The following RSU1 variants were observed in gnomAD, a reference collection of about 807,000 sequenced individuals.
The protein encoded by RSU1 is rsu-1.
A neutral mutation model predicts 31.1 loss-of-function variants in RSU1; 26 were observed. The ratio of observed to expected loss-of-function variants is 0.84; its 90% CI spans 0.61 to 1.16. The LOEUF is 1.16. RSU1 is among the 50% of genes most tolerant of loss of function. RSU1 has a pLI of 0.00. For synonymous variants in RSU1, 164 were observed against 136.3 expected, an observed-to-expected ratio of 1.20 and a Z score of -1.41; for missense variants, 320 against 339.1, an observed-to-expected ratio of 0.94 and a Z score of 0.44.
chr10:16,749,797 C>T (rs1477213543), intron 7 of RSU1, among the ~76,000 whole-genome samples: 3 of 152,234 alleles, frequency 2.0e-5, no homozygotes, highest in Admixed American at 2.0e-4. Flanking sequence ...CACGCCAACT[C>T]ACCATCCAGC....
chr10:16,661,287 C>T (rs7918379), intron 8 of RSU1, among the ~76,000 whole-genome samples: 62 of 132,906 alleles, frequency 4.7e-4, no homozygotes, highest in African/African-American at 1.6e-3. Flanking sequence ...GTAGAGAGTG[C>T]GTGTGTGTGT....
At chr10:16,745,141 G>A (rs1035027184) in intron 7 of RSU1, among the ~76,000 whole-genome samples, 1 of 152,194 alleles carries the variant, frequency 6.6e-6, no homozygotes, top group Non-Finnish European at 1.5e-5. Flanking sequence ...GTTTCAGAAA[G>A]CTGGTCTCTA....
intron 8 of RSU1, among the ~76,000 whole-genome samples, chr10:16,635,278 C>G (rs1834327153): frequency 6.6e-6 from 1 of 152,200 alleles, no homozygotes; most frequent in Non-Finnish European, 1.5e-5. Context: ...GAATTATCAT[C>G]TTTCTACTTT....
At chr10:16,768,318 A>T (rs1236457120) in intron 3 of RSU1, among the ~76,000 whole-genome samples, 3 of 152,218 alleles carry the variant, frequency 2.0e-5, no homozygotes, top group Admixed American at 1.3e-4. Flanking sequence ...AAGGAGATGG[A>T]TTATGAAAAT....
At chr10:16,784,898 T>A (rs1314423592) in intron 2 of RSU1, among the ~76,000 whole-genome samples, 1 of 152,094 alleles carries the variant, frequency 6.6e-6, no homozygotes, top group African/African-American at 2.4e-5. Flanking sequence ...CCAAACCATA[T>A]CACATGGCCA....
intron 8 of RSU1, among the ~76,000 whole-genome samples, chr10:16,653,195 C>T (rs372700619): frequency 3.9e-4 from 60 of 152,236 alleles, no homozygotes; most frequent in African/African-American, 1.2e-3. Flanking sequence ...TGTGTAACTC[C>T]GACATATGTT....
At chr10:16,628,162 A>C (rs1051534039) in intron 8 of RSU1, among the ~76,000 whole-genome samples, 3 of 152,244 alleles carry the variant, frequency 2.0e-5, no homozygotes, top group African/African-American at 7.2e-5. Flanking sequence ...AATTGATTAA[A>C]CATCTCAATA....
intron 8 of RSU1, among the ~76,000 whole-genome samples, chr10:16,619,304 C>T (rs1236940287): frequency 6.6e-6 from 1 of 152,234 alleles, no homozygotes; most frequent in African/African-American, 2.4e-5. Context: ...TTTCACCTCA[C>T]AGTCTTCTCC....
intron 2 of RSU1, among the ~76,000 whole-genome samples, chr10:16,807,038 G>C (rs1195783070): frequency 6.6e-6 from 1 of 152,154 alleles, no homozygotes; most frequent in Non-Finnish European, 1.5e-5. Flanking sequence ...GATTACAGCA[G>C]GCATGAGTCA....
chr10:16,652,229 C>A (rs1834697115), intron 8 of RSU1, among the ~76,000 whole-genome samples: 1 of 151,842 alleles, frequency 6.6e-6, no homozygotes, highest in Non-Finnish European at 1.5e-5. Flanking sequence ...AGATAATAAA[C>A]AAAACAAAAC....
intron 2 of RSU1, among the ~76,000 whole-genome samples, chr10:16,816,263 G>C (rs1838528449): frequency 6.6e-6 from 1 of 152,206 alleles, no homozygotes; most frequent in Non-Finnish European, 1.5e-5. Context: ...AGCAGGTGCA[G>C]CAGCTGGCCC....
At chr10:16,750,832 C>T (rs116205016) in intron 7 of RSU1, among the ~76,000 whole-genome samples, 3,217 of 150,750 alleles carry the variant, frequency 0.021, 107 homozygotes, top group African/African-American at 0.064. Context: ...ATGCTAACAT[C>T]TGTGGTTATT....
intron 3 of RSU1, among the ~76,000 whole-genome samples, chr10:16,768,428 T>C (rs1837360811): frequency 6.6e-6 from 1 of 152,254 alleles, no homozygotes; most frequent in Non-Finnish European, 1.5e-5. Context: ...TATCATTTTC[T>C]GCCTAGCCAA....
At chr10:16,748,173 T>C (rs1287388258) in intron 7 of RSU1, 1 of 152,232 alleles carries the variant, frequency 6.6e-6, no homozygotes, top group Non-Finnish European at 1.5e-5. Flanking sequence ...CTCTTACTGT[T>C]GTAGAGTGCA....
At chr10:16,692,002 C>G (rs746062851) in intron 8 of RSU1, among the ~76,000 whole-genome samples, 37 of 152,042 alleles carry the variant, frequency 2.4e-4, no homozygotes, top group Non-Finnish European at 4.1e-4. Context: ...TGGTGAATCA[C>G]CCCACAATTC....
intron 3 of RSU1, among the ~76,000 whole-genome samples, chr10:16,773,744 T>C (rs1459941951): frequency 6.6e-6 from 1 of 152,166 alleles, no homozygotes; most frequent in East Asian, 1.9e-4. Context: ...CCACAGGCTG[T>C]GGGGTGCCTT....
At position 16,765,174 on chromosome 10, in the gene RSU1, C is replaced by T. The variant is rs190014538; in HGVS notation, c.161-664G>A. On this transcript the variant is annotated intron_variant, in intron 3 of 8. Coordinates refer to ENST00000345264, the MANE Select transcript of RSU1 (RefSeq NM_012425.4). ...AAGATGGAGATCTCCAAATCCCTTC[C>T]GGGATGATGTACATTGAAGCTGCTT... Among the ~76,000 whole-genome samples, 29 of 152,206 alleles carry T rather than the reference C, an allele frequency of 1.9e-4. No homozygotes were observed. The East Asian group carries it at 4.2e-3, about 22-fold the overall frequency.
At chr10:16,771,574 G>A (rs576217156) in intron 3 of RSU1, among the ~76,000 whole-genome samples, 2 of 152,164 alleles carry the variant, frequency 1.3e-5, no homozygotes, top group East Asian at 3.9e-4. Flanking sequence ...TCTCGCGTAG[G>A]AATAATTACA....
intron 8 of RSU1, among the ~76,000 whole-genome samples, chr10:16,670,791 T>TCTTG (rs1463908662): frequency 6.6e-6 from 1 of 151,960 alleles, no homozygotes; most frequent in African/African-American, 2.4e-5. Flanking sequence ...TAAGCCTGAG[T>TCTTG]CTTGCTCTTG....
Sources: allele counts gnomAD v4.1 joint callset (sites outside exome capture counted in the v4.1 genomes callset), GRCh38; gene constraint gnomAD v4.1.1; transcripts MANE v1.5; gene names NCBI Gene and HGNC (gene_info 2026-07-23, HGNC 2026-07-21).